The following ATRNL1 variants were observed in gnomAD, a reference collection of about 807,000 sequenced individuals.
The protein encoded by ATRNL1 is attractin like 1, also known as attractin-like protein 1.
A neutral mutation model predicts 182.7 loss-of-function variants in ATRNL1; 95 were observed. The observed-to-expected ratio is 0.52, with a 90% CI of 0.44 to 0.62. The LOEUF (loss-of-function observed/expected upper bound fraction) is 0.62. Among genes scored for constraint, ATRNL1 ranks in the 20% least tolerant of loss-of-function variants. ATRNL1 has a pLI of 0.00. For missense variants in ATRNL1, 1,471 were observed against 1,679.5 expected, an observed-to-expected ratio of 0.88 and a Z score of 2.17; for synonymous variants, 576 against 568.3, an observed-to-expected ratio of 1.01 and a Z score of -0.19.
At chr10:115,162,650 C>A (rs541153582) in intron 6 of ATRNL1, among the ~76,000 whole-genome samples, 2 of 149,094 alleles carry the variant, frequency 1.3e-5, no homozygotes, top group Non-Finnish European at 3.0e-5. Context: ...AGATTAGAAA[C>A]GGGATTTGAG....
intron 8 of ATRNL1, among the ~76,000 whole-genome samples, chr10:115,194,313 T>C (rs1056806447): frequency 3.3e-5 from 5 of 152,030 alleles, no homozygotes; most frequent in Non-Finnish European, 7.4e-5. Flanking sequence ...CAAGATATTA[T>C]TGTTTTGGGG....
At chr10:115,329,300 T>A (rs1855079716) in intron 18 of ATRNL1, among the ~76,000 whole-genome samples, 1 of 152,120 alleles carries the variant, frequency 6.6e-6, no homozygotes, top group Non-Finnish European at 1.5e-5. Flanking sequence ...ACTTTTTTCC[T>A]AACATATTAG....
At chr10:115,367,926 T>A (rs1326209441) in intron 19 of ATRNL1, among the ~76,000 whole-genome samples, 1 of 150,940 alleles carries the variant, frequency 6.6e-6, no homozygotes, top group Non-Finnish European at 1.5e-5. Flanking sequence ...TCTTCAAAGC[T>A]GTCAGACAGG....
intron 26 of ATRNL1, among the ~76,000 whole-genome samples, chr10:115,706,385 A>G (rs1009664041): frequency 1.3e-5 from 2 of 151,804 alleles, no homozygotes; most frequent in Non-Finnish European, 2.9e-5. Flanking sequence ...AAAAATCCCC[A>G]TCTTAAGACT....
At chr10:115,616,341 G>C (rs1555020755) in intron 26 of ATRNL1, among the ~76,000 whole-genome samples, 1 of 152,154 alleles carries the variant, frequency 6.6e-6, no homozygotes, top group East Asian at 1.9e-4. Flanking sequence ...GCAAAGAAAT[G>C]ACTTGAAACT....
In ATRNL1 at chr10:115,384,408, C is replaced by T. The variant is rs188650153; in HGVS notation, c.3176-10251C>T. Among the ~76,000 whole-genome samples, 8 of 152,092 alleles carry T rather than the reference C, an allele frequency of 5.3e-5. No individual in the cohort carries two copies. In the East Asian group the frequency reaches 1.5e-3, roughly 29 times the overall value. On this transcript the variant is annotated intron_variant, in intron 19 of 28. Transcript: ENST00000355044. ...ACCTGCCCCAAGGTGCAGCCAAATA[C>T]TACTTTTTAATTTCTTTTGGTCACA...
chr10:115,623,064 G>A (rs1318440112), intron 26 of ATRNL1, among the ~76,000 whole-genome samples: 1 of 151,818 alleles, frequency 6.6e-6, no homozygotes, highest in African/African-American at 2.4e-5. Context: ...TTTAAAAATG[G>A]CAAAATTTTA....
At chr10:115,822,444 G>A (rs989408618) in intron 27 of ATRNL1, among the ~76,000 whole-genome samples, 3 of 152,136 alleles carry the variant, frequency 2.0e-5, no homozygotes, top group Non-Finnish European at 4.4e-5. Context: ...CAGAACTGAA[G>A]GAGATAGAGA....
At chr10:115,618,559 A>T (rs1339936729) in intron 26 of ATRNL1, among the ~76,000 whole-genome samples, 6 of 151,456 alleles carry the variant, frequency 4.0e-5, no homozygotes, top group African/African-American at 1.5e-4. Context: ...GGTTTATTTC[A>T]AAATACCTTT....
intron 28 of ATRNL1, among the ~76,000 whole-genome samples, chr10:115,926,410 A>G (rs1555120158): frequency 6.6e-6 from 1 of 152,168 alleles, no homozygotes; most frequent in East Asian, 1.9e-4. Flanking sequence ...AACTAAGATC[A>G]GAGCAGAATT....
chr10:115,387,560 G>A (rs1858435211), intron 19 of ATRNL1, among the ~76,000 whole-genome samples: 1 of 152,128 alleles, frequency 6.6e-6, no homozygotes, highest in African/African-American at 2.4e-5. Context: ...TCAATTTCCA[G>A]CCATTTCCAT....
chr10:115,494,586 T>C (rs1554977618), intron 24 of ATRNL1, among the ~76,000 whole-genome samples: 6 of 152,214 alleles, frequency 3.9e-5, no homozygotes, highest in Non-Finnish European at 8.8e-5. Context: ...TTTCTTCATA[T>C]ATTCAGATGA....
intron 28 of ATRNL1, among the ~76,000 whole-genome samples, chr10:115,939,882 G>A (rs184894619): frequency 5.0e-4 from 76 of 152,288 alleles, no homozygotes; most frequent in African/African-American, 1.6e-3. Flanking sequence ...ATGAGAAAGT[G>A]TGTGCCAAAA....
Position 115,617,383 on chromosome 10 carries a change from C to T in ATRNL1, c.3795+67847C>T, listed in dbSNP as rs191659249. 3.5e-4 allele frequency among the ~76,000 whole-genome samples: 53 copies of T among 149,580 alleles called. 1 individual carries two copies. The highest frequency in any genetic ancestry group is 1.0e-3 in the African/African-American group (41 of 40,762). On this transcript the variant is annotated intron_variant, in intron 26 of 28. Transcript: ENST00000355044. ...TTTTTGTTTTTTGTTTTTTTTTAAA[C>T]GGAGTCTTGCTCTGTCGCCAGGCTG...
intron 26 of ATRNL1, among the ~76,000 whole-genome samples, chr10:115,589,040 T>C: frequency 6.6e-6 from 1 of 152,136 alleles, no homozygotes; most frequent in East Asian, 1.9e-4. Context: ...TCAGTAGTGG[T>C]TGTGAGAATG....
At chr10:115,874,729 G>A (rs957777189) in intron 28 of ATRNL1, among the ~76,000 whole-genome samples, 3 of 152,172 alleles carry the variant, frequency 2.0e-5, no homozygotes, top group African/African-American at 7.2e-5. Flanking sequence ...CAGAGGTGGA[G>A]AAGCACAGTC....
intron 26 of ATRNL1, among the ~76,000 whole-genome samples, chr10:115,555,296 G>A (rs11197296): frequency 0.011 from 1,660 of 151,642 alleles, 30 homozygotes; most frequent in African/African-American, 0.038. Flanking sequence ...TGTTTACTCC[G>A]TATATTATCT....
intron 17 of ATRNL1, among the ~76,000 whole-genome samples, chr10:115,311,850 A>T (rs771128253): frequency 6.6e-6 from 1 of 151,994 alleles, no homozygotes; most frequent in Admixed American, 6.6e-5. Context: ...TTTTATCATT[A>T]TATAATGAAC....
intron 28 of ATRNL1, among the ~76,000 whole-genome samples, chr10:115,924,693 G>T (rs1953168830): frequency 1.3e-5 from 2 of 152,260 alleles, no homozygotes; most frequent in Non-Finnish European, 2.9e-5. Context: ...GATGCCTCCA[G>T]CGTTGTTCTT....
Sources: gnomAD v4.1 joint callset for allele counts (sites outside exome capture counted in the v4.1 genomes callset) on GRCh38, gnomAD v4.1.1 for gene constraint, MANE v1.5 for transcripts, NCBI Gene and HGNC (gene_info 2026-07-23, HGNC 2026-07-21) for gene names.